KCNQ1: variants seen among roughly 807,000 people sequenced by gnomAD.
The protein encoded by KCNQ1 is potassium voltage-gated channel subfamily Q member 1, also known as potassium voltage-gated channel subfamily KQT member 1.
A neutral mutation model predicts 72.4 loss-of-function variants in KCNQ1; 49 were observed. The ratio of observed to expected loss-of-function variants is 0.68; its 90% CI spans 0.54 to 0.86. The LOEUF (loss-of-function observed/expected upper bound fraction) is 0.86. Among genes scored for constraint, KCNQ1 ranks in the 40% least tolerant of loss-of-function variants. KCNQ1 has a pLI of 0.00. For synonymous variants in KCNQ1, 450 were observed against 412.6 expected (o/e 1.09, Z -1.10); for missense variants, 790 against 945.1 (o/e 0.84, Z 2.15).
chr11:2,449,026 G>A (rs1846083995), intron 1 of KCNQ1, among the ~76,000 whole-genome samples: 1 of 152,238 alleles, frequency 6.6e-6, no homozygotes, highest in Admixed American at 6.5e-5. Context: ...GGGTGGTAGG[G>A]ACTTGGGTCC....
At position 2,735,441 on chromosome 11, in the gene KCNQ1, C is replaced by A. The variant is rs1845941205; in HGVS notation, c.1515-33403C>A. ...CACTGCTTGCTCCTTCCCACCCCTCCTAGGCCAGGGATGCCTGAAGCCACA... is the reference window on the plus strand; with the variant it reads ...CACTGCTTGCTCCTTCCCACCCCTCATAGGCCAGGGATGCCTGAAGCCACA... On this transcript the variant is annotated intron_variant, in intron 11 of 15. Coordinates refer to ENST00000155840, the MANE Select transcript of KCNQ1 (RefSeq NM_000218.3). This position sits in a 1 kb window ranked among gnomAD's most constrained non-coding sequence, Gnocchi z 7.7. 6.6e-6 allele frequency among the ~76,000 whole-genome samples: 1 copy of A among 152,050 alleles called. No homozygotes were observed. Among genetic ancestry groups the A allele is most frequent in the South Asian group, 2.1e-4 (1 of 4,824 alleles).
rs1305612999 is a variant in KCNQ1 at position 2,670,154 on chromosome 11, G to A, written c.1514+8073G>A. ...TCTGTCATTTGTTCTTATCACTGTC[G>A]GGCCCATCTGCCAAGGCAAGCACCC... On this transcript the variant is annotated intron_variant, in intron 11 of 15. Transcript: ENST00000155840. This position sits in a 1 kb window ranked among gnomAD's most constrained non-coding sequence, Gnocchi z 4.9. 1.8e-5 allele frequency: 7 copies of A among 398,454 alleles called. No individual in the cohort carries two copies. Among genetic ancestry groups the A allele is most frequent in the Non-Finnish European group, 2.2e-5 (5 of 226,108 alleles). 24.7% of individuals were successfully genotyped at this position (398,454 alleles called of 1,614,324 possible).
intron 1 of KCNQ1, among the ~76,000 whole-genome samples, chr11:2,517,195 C>T (rs1003947213): frequency 6.6e-6 from 1 of 152,170 alleles, no homozygotes; most frequent in African/African-American, 2.4e-5. Context: ...GTCCAGGAGC[C>T]CCGTGCGCAG....
chr11:2,647,490 G>C lies in KCNQ1; in HGVS notation c.1394-14471G>C, dbSNP rs1157951523. ...TGTTATTGTGTCCTTATCTGGTTTTGGTATCAAGATACTGCTTGCCTCACA... is the reference window on the plus strand; with the variant it reads ...TGTTATTGTGTCCTTATCTGGTTTTCGTATCAAGATACTGCTTGCCTCACA... On this transcript the variant is annotated intron_variant, in intron 10 of 15. Coordinates refer to ENST00000155840, the MANE Select transcript of KCNQ1 (RefSeq NM_000218.3). This position sits in a 1 kb window ranked among gnomAD's most constrained non-coding sequence, Gnocchi z 4.0. The C allele has an allele frequency of 2.5e-6, 1 of 398,256 alleles. No individual in the cohort carries two copies. The highest frequency in any genetic ancestry group is 4.4e-6 in the Non-Finnish European group (1 of 226,020). The allele number at this position is 398,256 out of a possible 1,614,324, so 24.7% of individuals were successfully genotyped here.
In KCNQ1 at chr11:2,527,976, C is replaced by T. The variant is rs1800170; in HGVS notation, c.435C>T (p.Ile145=). ...VCLIFSVLST[I]EQYAALATGT... ...TCATCTTCAGCGTGCTGTCCACCATCGAGCAGTATGCCGCCCTGGCCACGG... is the reference window on the plus strand; with the variant it reads ...TCATCTTCAGCGTGCTGTCCACCATTGAGCAGTATGCCGCCCTGGCCACGG... The change falls in exon 2 of 16, where the codon ATC becomes ATT. Residue 145 remains isoleucine (I), a synonymous_variant. Coordinates refer to ENST00000155840, the MANE Select transcript of KCNQ1 (RefSeq NM_000218.3). 1.8e-3 allele frequency: 2,885 copies of T among 1,614,102 alleles called. 63 individuals are homozygous for T. In the East Asian group the frequency reaches 0.05, roughly 28 times the overall value.
chr11:2,802,380 A>AG (rs1271059956), intron 15 of KCNQ1, among the ~76,000 whole-genome samples: 1 of 152,014 alleles, frequency 6.6e-6, no homozygotes, highest in East Asian at 1.9e-4. Flanking sequence ...TGTCATCCCA[A>AG]GGGGGCCACT....
At chr11:2,693,673 C>A (rs1426363675) in intron 11 of KCNQ1, 2 of 398,538 alleles carry the variant, frequency 5.0e-6, no homozygotes, top group Non-Finnish European at 8.8e-6. Context: ...GCAGACAGAG[C>A]AGCCAGAGAC....
intron 15 of KCNQ1, among the ~76,000 whole-genome samples, chr11:2,812,366 C>T (rs75932369): frequency 1.3e-5 from 2 of 152,028 alleles, no homozygotes; most frequent in African/African-American, 2.4e-5. Context: ...CCTGGGACGC[C>T]GAGGAGGGTT....
At position 2,581,948 on chromosome 11, in the gene KCNQ1, G is replaced by C. The variant is rs138405610; in HGVS notation, c.922-1487G>C. ...GAGAGCTCCGTGTGCAGCTGTGGGA[G>C]GTAGCCTGCAAGCAGCCTCTGCAGA... On this transcript the variant is annotated intron_variant, in intron 6 of 15. Transcript: ENST00000155840. Among the ~76,000 whole-genome samples, 394 of 152,326 alleles carry C rather than the reference G, an allele frequency of 2.6e-3. 5 individuals are homozygous for C. In the Middle Eastern group the frequency reaches 0.044, roughly 17 times the overall value.
In KCNQ1 at chr11:2,657,322, T is replaced by C. The variant is rs940566627; in HGVS notation, c.1394-4639T>C. 1.0e-5 allele frequency: 4 copies of C among 398,542 alleles called. No homozygotes were observed. The highest frequency in any genetic ancestry group is 8.2e-5 in the African/African-American group (4 of 48,644). 24.7% of individuals were successfully genotyped at this position (398,542 alleles called of 1,614,324 possible). A position where few individuals can be genotyped will look rare whatever the true frequency, so the allele number is the denominator to read the frequency against. On this transcript the variant is annotated intron_variant, in intron 10 of 15. Coordinates refer to ENST00000155840, the MANE Select transcript of KCNQ1 (RefSeq NM_000218.3). The surrounding 1 kb of genome is among the most constrained non-coding windows in gnomAD (Gnocchi z 4.8). ...GATTTTGAGATAATCTTTTCAGTAT[T>C]GAGTCTTCTAGTCATTGGAATGAAG...
intron 4 of KCNQ1, among the ~76,000 whole-genome samples, chr11:2,571,784 C>A (rs1324491668): frequency 6.6e-6 from 1 of 152,164 alleles, no homozygotes; most frequent in East Asian, 1.9e-4. Flanking sequence ...CTGGCCGACC[C>A]CCAGCTCAGC....
chr11:2,801,545 C>T (rs1847263722), intron 15 of KCNQ1, among the ~76,000 whole-genome samples: 1 of 152,224 alleles, frequency 6.6e-6, no homozygotes, highest in East Asian at 1.9e-4. Flanking sequence ...GTGCTGCCGC[C>T]TTCTCTTGCA....
chr11:2,842,861 C>G (rs891597875), intron 15 of KCNQ1, among the ~76,000 whole-genome samples: 1 of 152,262 alleles, frequency 6.6e-6, no homozygotes, highest in Non-Finnish European at 1.5e-5. Context: ...TTGATCCCCT[C>G]AGCATCCTCC....
intron 15 of KCNQ1, among the ~76,000 whole-genome samples, chr11:2,779,902 G>T (rs1296605976): frequency 6.6e-6 from 1 of 152,226 alleles, no homozygotes; most frequent in Non-Finnish European, 1.5e-5. Flanking sequence ...GAGCAACAAA[G>T]GGAAGCATTT....
chr11:2,659,440 A>T lies in KCNQ1; in HGVS notation c.1394-2521A>T. 2.5e-6 allele frequency: 1 copy of T among 398,544 alleles called. No homozygotes were observed. Among genetic ancestry groups the T allele is most frequent in the Non-Finnish European group, 4.4e-6 (1 of 226,028 alleles). The allele number at this position is 398,544 out of a possible 1,614,324, so 24.7% of individuals were successfully genotyped here. ...ATGTTGTTGCATAAATCATTAGTTAATTTCTTTTTATTGCTGGGTGGTATT... is the reference window on the plus strand; with the variant it reads ...ATGTTGTTGCATAAATCATTAGTTATTTTCTTTTTATTGCTGGGTGGTATT... On this transcript the variant is annotated intron_variant, in intron 10 of 15. Coordinates refer to ENST00000155840, the MANE Select transcript of KCNQ1 (RefSeq NM_000218.3). The surrounding 1 kb of genome is among the most constrained non-coding windows in gnomAD (Gnocchi z 4.3).
rs1850347865 is a variant in KCNQ1, at chr11:2,679,361, G to T, written c.1514+17280G>T. 2 of 398,488 alleles carry T rather than the reference G, an allele frequency of 5.0e-6. No individual in the cohort carries two copies. The highest frequency in any genetic ancestry group is 1.3e-4 in the South Asian group (1 of 7,848). 24.7% of individuals were successfully genotyped at this position (398,488 alleles called of 1,614,324 possible). On this transcript the variant is annotated intron_variant, in intron 11 of 15. Coordinates refer to ENST00000155840, the MANE Select transcript of KCNQ1 (RefSeq NM_000218.3). The surrounding 1 kb of genome is among the most constrained non-coding windows in gnomAD (Gnocchi z 4.8). ...CACTACTTTCTACCTGCTACACCTT[G>T]AGTGAGTCACTTAGTCTCAGTTTCT...
chr11:2,542,329 A>C (rs2157762), intron 2 of KCNQ1, among the ~76,000 whole-genome samples: 1 of 152,116 alleles, frequency 6.6e-6, no homozygotes, highest in African/African-American at 2.4e-5. Context: ...AGGAAGTGCT[A>C]GGGGAAGCCG....
At chr11:2,667,912 TGG>T in intron 11 of KCNQ1, 1 of 398,646 alleles carries the variant, frequency 2.5e-6, no homozygotes, top group Non-Finnish European at 4.4e-6. Flanking sequence ...CTTCAGTCCC[TGG>T]GACCCATGTG....
chr11:2,696,750 T>C (rs915351021), intron 11 of KCNQ1: 2 of 398,596 alleles, frequency 5.0e-6, no homozygotes, highest in East Asian at 7.1e-5. Context: ...AGTTTTAAAA[T>C]TTTTTCCATA....
Sources: gnomAD v4.1 joint callset for allele counts (sites outside exome capture counted in the v4.1 genomes callset) on GRCh38, gnomAD v4.1.1 for gene constraint, Gnocchi (gnomAD v3.1) non-coding constraint, MANE v1.5 for transcripts, NCBI Gene and HGNC (gene_info 2026-07-23, HGNC 2026-07-21) for gene names.